The following SULF2 variants were observed in gnomAD, a reference collection of about 807,000 sequenced individuals.
SULF2 encodes the protein extracellular sulfatase Sulf-2.
In SULF2, 52 loss-of-function variants were observed where a neutral mutation model predicts 107.7. That is an observed-to-expected ratio of 0.48 (90% CI 0.39 to 0.61). The LOEUF (loss-of-function observed/expected upper bound fraction) is 0.61. Ranked by LOEUF, SULF2 falls within the 20% of genes least tolerant of loss-of-function variation. The pLI is 0.00. For synonymous variants in SULF2, 460 were observed against 464.3 expected (o/e 0.99, Z 0.12); for missense variants, 993 against 1,177.3 (o/e 0.84, Z 2.29).
rs374668897 is a variant in SULF2 at position 47,666,522 on chromosome 20, G to A, written c.1577-34C>T. 1.8e-5 allele frequency: 28 copies of A among 1,566,768 alleles called. No individual in the cohort carries two copies. The African/African-American group carries it at 3.1e-4, about 17-fold the overall frequency. ...ATTAGAGGAGTGGCAGAGTTAGGGA[G>A]GCAGGAAAGGCTGGCCAGGCTCCCA... On this transcript the variant is annotated intron_variant, in intron 11 of 20. Transcript: ENST00000688720. This position sits in a 1 kb window ranked among gnomAD's most constrained non-coding sequence, Gnocchi z 5.4.
chr20:47,713,620 C>G (rs1178819579), intron 3 of SULF2, among the ~76,000 whole-genome samples: 1 of 151,966 alleles, frequency 6.6e-6, no homozygotes, highest in Non-Finnish European at 1.5e-5. Context: ...CGTGGTGGCT[C>G]ATGCCTGTAA....
chr20:47,736,861 G>A lies in SULF2; in HGVS notation c.257C>T (p.Pro86Leu). The A allele has an allele frequency of 6.2e-7, 1 of 1,614,234 alleles. No homozygotes were observed. Among genetic ancestry groups the A allele is most frequent in the Non-Finnish European group, 8.5e-7 (1 of 1,180,026 alleles). The change falls in exon 3 of 21, where the codon CCC becomes CTC. Residue 86 changes from proline (P) to leucine (L), a missense_variant. By Grantham distance (98) the Pro-to-Leu change is moderately conservative. This residue lies in a region of SULF2 where 388 missense variants were observed against 449.2 expected (regional missense o/e 0.86). Coordinates refer to ENST00000688720, the MANE Select transcript of SULF2 (RefSeq NM_001387048.1). The stretch of plus-strand genomic sequence containing the variant: ...GGAGGAGCGTGAGGGGCAGCACATG[G>A]GTGTGGTCACGAAGGCGTTGATGAA... ...AHFINAFVTT[P>L]MCCPSRSSIL...
intron 1 of SULF2, among the ~76,000 whole-genome samples, chr20:47,783,103 A>G (rs371285644): frequency 4.3e-4 from 65 of 152,284 alleles, no homozygotes; most frequent in African/African-American, 1.5e-3. Context: ...TTAACAGGGT[A>G]TTTGTGTGGA....
intron 3 of SULF2, among the ~76,000 whole-genome samples, chr20:47,713,021 A>G (rs2088985934): frequency 1.3e-5 from 2 of 152,086 alleles, no homozygotes; most frequent in Non-Finnish European, 2.9e-5. Flanking sequence ...AGCCTGGGTA[A>G]CAGAGCCAGA....
At chr20:47,765,367 A>G (rs1480264245) in intron 1 of SULF2, among the ~76,000 whole-genome samples, 2 of 92,298 alleles carry the variant, frequency 2.2e-5, no homozygotes, top group East Asian at 1.8e-3. Flanking sequence ...AAAACAAAAC[A>G]AAACAAAAAA....
chr20:47,750,088 TCTC>T (rs2043745912), intron 2 of SULF2, among the ~76,000 whole-genome samples: 2 of 152,196 alleles, frequency 1.3e-5, no homozygotes, highest in South Asian at 4.1e-4. Context: ...TTCAACCAAA[TCTC>T]CTGCCTCAGC....
intron 14 of SULF2, 69 bp downstream of exon 14, chr20:47,665,130 A>G (rs2087217738): frequency 4.1e-6 from 4 of 976,646 alleles, no homozygotes; most frequent in Non-Finnish European, 6.6e-6. Flanking sequence ...GTCAATCACG[A>G]GAGGGGATGA....
At position 47,762,782 on chromosome 20, in the gene SULF2, C is replaced by T. The variant is rs531828518; in HGVS notation, c.-100-5319G>A. Among the ~76,000 whole-genome samples the T allele has an allele frequency of 3.3e-5, 5 of 152,334 alleles. No homozygotes were observed. In the South Asian group the frequency reaches 8.3e-4, roughly 25 times the overall value. ...GCCCGGGGCACAGTCAGCTGGACTT[C>T]GTTCCTGGCTCCCATGTTGGTTTCA... On this transcript the variant is annotated intron_variant, in intron 1 of 20. Transcript: ENST00000688720.
At chr20:47,717,210 C>A (rs1272468546) in intron 3 of SULF2, among the ~76,000 whole-genome samples, 1 of 152,188 alleles carries the variant, frequency 6.6e-6, no homozygotes, top group Admixed American at 6.5e-5. Context: ...GCTTTGAGAG[C>A]CACTGGTTTA....
chr20:47,763,990 C>T (rs1361360967), intron 1 of SULF2, among the ~76,000 whole-genome samples: 1 of 152,226 alleles, frequency 6.6e-6, no homozygotes, highest in Non-Finnish European at 1.5e-5. Context: ...TTGCCTTCCC[C>T]TCTCTCCCTT....
intron 15 of SULF2, among the ~76,000 whole-genome samples, chr20:47,663,885 C>T (rs1257969224): frequency 6.6e-6 from 1 of 152,208 alleles, no homozygotes; most frequent in Non-Finnish European, 1.5e-5. Context: ...TGTTGACACC[C>T]CTTTCCCCTC....
intron 6 of SULF2, 157 bp downstream of exon 6, chr20:47,684,274 C>T: frequency 1.4e-6 from 1 of 732,046 alleles, no homozygotes; most frequent in Non-Finnish European, 2.1e-6. Flanking sequence ...GTCTGGATTG[C>T]TCCAAGCTGT....
intron 4 of SULF2, among the ~76,000 whole-genome samples, chr20:47,692,481 G>A (rs953042112): frequency 1.3e-5 from 2 of 152,236 alleles, no homozygotes; most frequent in South Asian, 4.1e-4. Context: ...CACAATCATA[G>A]CTCAGTGTAA....
intron 18 of SULF2, among the ~76,000 whole-genome samples, chr20:47,660,572 T>A (rs1288811761): frequency 6.6e-6 from 1 of 152,122 alleles, no homozygotes; most frequent in Non-Finnish European, 1.5e-5. Context: ...GTAAGTGAAC[T>A]TCATTTTTCT....
At chr20:47,695,401 A>G (rs1053747067) in intron 4 of SULF2, among the ~76,000 whole-genome samples, 1 of 152,190 alleles carries the variant, frequency 6.6e-6, no homozygotes, top group Non-Finnish European at 1.5e-5. Context: ...TTCATCTTGC[A>G]TAACTGAAAC....
At chr20:47,762,669 CT>C (rs951655035) in intron 1 of SULF2, among the ~76,000 whole-genome samples, 16 of 152,186 alleles carry the variant, frequency 1.1e-4, no homozygotes, top group Admixed American at 1.0e-3. Context: ...CTCTGAGGGC[CT>C]TTTTGGCCCT....
chr20:47,724,239 C>T (rs761972450), intron 3 of SULF2, among the ~76,000 whole-genome samples: 3 of 152,210 alleles, frequency 2.0e-5, no homozygotes, highest in East Asian at 1.9e-4. Context: ...AAGTGTCCTC[C>T]GGCTGTGGGT....
intron 5 of SULF2, 53 bp from the exon 6 acceptor site, chr20:47,684,634 G>T: frequency 6.3e-7 from 1 of 1,581,552 alleles, no homozygotes; most frequent in Non-Finnish European, 8.6e-7. Context: ...CCTGGACCCT[G>T]CCTGGCCCCC....
At chr20:47,777,227 G>A (rs1458384732) in intron 1 of SULF2, among the ~76,000 whole-genome samples, 8 of 152,222 alleles carry the variant, frequency 5.3e-5, no homozygotes, top group African/African-American at 1.4e-4. Context: ...AGCATAGGAA[G>A]GAGCCAGGTC....
Sources: allele counts gnomAD v4.1 joint callset (sites outside exome capture counted in the v4.1 genomes callset), GRCh38; gene constraint gnomAD v4.1.1; regional missense constraint gnomAD v4.1.1; non-coding constraint Gnocchi (gnomAD v3.1); transcripts MANE v1.5; gene names NCBI Gene and HGNC (gene_info 2026-07-23, HGNC 2026-07-21).